The following DNAH5 variants were observed in gnomAD, a reference collection of about 807,000 sequenced individuals.
The protein encoded by DNAH5 is axonemal beta dynein heavy chain 5.
In DNAH5, 372 loss-of-function variants were observed where a neutral mutation model predicts 518.2. The observed-to-expected ratio is 0.72, with a 90% CI of 0.66 to 0.78. The LOEUF is 0.78. Among genes scored for constraint, DNAH5 ranks in the 30% least tolerant of loss-of-function variants. DNAH5 has a pLI of 0.00. For missense variants in DNAH5, 5,523 were observed against 5,687.0 expected (o/e 0.97, Z 0.93); for synonymous variants, 2,039 against 2,025.9 (o/e 1.01, Z -0.17).
In DNAH5 at chr5:13,714,553, C is replaced by T. The variant is rs372917600; in HGVS notation, c.12977G>A (p.Ser4326Asn). 6.2e-7 allele frequency: 1 copy of T among 1,614,078 alleles called. No individual in the cohort carries two copies. Among genetic ancestry groups the T allele is most frequent in the African/African-American group, 1.3e-5 (1 of 74,934 alleles). Residue 4326 changes from serine to asparagine, a missense_variant, in exon 75 of 79, where the codon AGC (serine) becomes AAC (asparagine). This residue lies in a region of DNAH5 where 387 missense variants were observed against 430.0 expected (regional missense o/e 0.90). Transcript: ENST00000265104. ...GTCCAGCACGTCCTTGGCCAGCTTGCTCTGGTAGGTGATGTCAGCATTGGG... is the reference window on the plus strand; with the variant it reads ...GTCCAGCACGTCCTTGGCCAGCTTGTTCTGGTAGGTGATGTCAGCATTGGG... ...LHPNADITYQ[S>N]KLAKDVLDTI...
rs1483774060 is a variant in DNAH5, at chr5:13,752,266, G to A, written c.10896C>T (p.Tyr3632=). 12 of 1,613,930 alleles carry A rather than the reference G, an allele frequency of 7.4e-6. No homozygotes were observed. Among genetic ancestry groups the A allele is most frequent in the Non-Finnish European group, 1.0e-5 (12 of 1,179,970 alleles). ...ELQITSLNHK[Y]FRNHLEDSLS... ...GGCTGTCTTCCAGGTGGTTTCTGAA[G>A]TACTTGTGATTTAAAGACGTGATCT... The change falls in exon 64 of 79, where the codon TAC becomes TAT. Residue 3632 remains tyrosine (Y), a synonymous_variant. Coordinates refer to ENST00000265104, the MANE Select transcript of DNAH5 (RefSeq NM_001369.3).
intron 62 of DNAH5, 63 bp from the exon 63 acceptor site, chr5:13,753,612 T>C (rs1341998344): frequency 2.6e-5 from 36 of 1,403,484 alleles, no homozygotes; most frequent in Non-Finnish European, 3.3e-5. Context: ...GTACAGCATA[T>C]TAAAAATGAA....
rs70964513 is a variant in DNAH5 at position 13,875,465 on chromosome 5, CAAAAAAAAAAA to C, written c.3396+1208_3396+1218del. The stretch of plus-strand genomic sequence containing the variant: ...CTAGGCAGCAAGAGTGAAACTCCTT[CAAAAAAAAAAA>C]AAAAAAAAAAGACACAGAGATAAGT... On this transcript the variant is annotated intron_variant, in intron 22 of 78. Transcript: ENST00000265104. Among the ~76,000 whole-genome samples the C allele has an allele frequency of 1.3e-3, 134 of 106,002 alleles. 2 individuals carry two copies. In the South Asian group the frequency reaches 0.03, roughly 24 times the overall value. 69.5% of individuals were successfully genotyped at this position (106,002 alleles called of 152,430 possible). A position where few individuals can be genotyped will look rare whatever the true frequency, so the allele number is the denominator to read the frequency against.
At position 13,805,922 on chromosome 5, in the gene DNAH5, G is replaced by A. The variant is rs147923268; in HGVS notation, c.7887+1669C>T. ...AGTGAGGGCAGTCTTGTGGGGACTCGGCCCTTAACTTCTGAAGTCTGCATT... is the reference window on the plus strand; with the variant it reads ...AGTGAGGGCAGTCTTGTGGGGACTCAGCCCTTAACTTCTGAAGTCTGCATT... On this transcript the variant is annotated intron_variant, in intron 47 of 78. Transcript: ENST00000265104. Among the ~76,000 whole-genome samples the A allele has an allele frequency of 2.6e-4, 39 of 152,080 alleles. No homozygotes were observed. The East Asian group carries it at 7.5e-3, about 29-fold the overall frequency.
intron 1 of DNAH5, among the ~76,000 whole-genome samples, chr5:14,006,031 C>A (rs1377834150): frequency 6.8e-6 from 1 of 146,968 alleles, no homozygotes; most frequent in East Asian, 2.1e-4. Context: ...CCCTTGCAGA[C>A]CCACACCTTT....
Position 13,776,808 on chromosome 5 carries a change from T to A in DNAH5, c.9106-102A>T, listed in dbSNP as rs1754160025. The A allele has an allele frequency of 4.8e-5, 62 of 1,288,636 alleles. 1 individual carries two copies. In the South Asian group the frequency reaches 7.3e-4, roughly 15 times the overall value. The allele number at this position is 1,288,636 out of a possible 1,614,324, so 79.8% of individuals were successfully genotyped here. ...AATGTCTTTTCTCCATTTGTGTTCT[T>A]GAACTCACCTACAGAAAATTGAAAG... On this transcript the variant is annotated intron_variant, in intron 54 of 78. Coordinates refer to ENST00000265104, the MANE Select transcript of DNAH5 (RefSeq NM_001369.3).
chr5:13,963,311 C>T (rs914742040), intron 1 of DNAH5, among the ~76,000 whole-genome samples: 2 of 151,680 alleles, frequency 1.3e-5, no homozygotes, highest in Non-Finnish European at 2.9e-5. Flanking sequence ...GAAGCGGTGG[C>T]TCACGCCTAT....
chr5:13,796,554 C>T (rs1253488593), intron 47 of DNAH5, among the ~76,000 whole-genome samples: 1 of 151,880 alleles, frequency 6.6e-6, no homozygotes, highest in Non-Finnish European at 1.5e-5. Flanking sequence ...TAAAAGAGGA[C>T]ACGAAAAAAT....
chr5:13,865,932 A>T, intron 26 of DNAH5, 26 bp from the exon 27 acceptor site: 1 of 1,417,044 alleles, frequency 7.1e-7, no homozygotes, highest in South Asian at 1.2e-5. Context: ...GTGAAAACGC[A>T]TCAAAATGAT....
At chr5:13,771,704 G>A (rs927832929) in intron 55 of DNAH5, among the ~76,000 whole-genome samples, 4 of 152,150 alleles carry the variant, frequency 2.6e-5, no homozygotes, top group African/African-American at 7.2e-5. Context: ...AAAGAGGAAC[G>A]TGAAACTTGG....
rs143567667 is a variant in DNAH5 at position 13,864,483 on chromosome 5, C to G, written c.4510G>C (p.Gly1504Arg). Residue 1504 changes from glycine (G) to arginine (R), a missense_variant, in exon 28 of 79, where the codon GGG (glycine) becomes CGG (arginine). Transcript: ENST00000265104. ...TCATTCCCCACATCCAGACTGTGCC[C>G]GGTGAGGGTGGTTATCCTTTCCCAG... ...RHWERITTLT[G>R]HSLDVGNESF... 5.7e-4 allele frequency: 921 copies of G among 1,614,126 alleles called. 5 individuals carry two copies. In the African/African-American group the frequency reaches 9.8e-3, roughly 17 times the overall value.
At chr5:13,806,141 A>C (rs1759547160) in intron 47 of DNAH5, among the ~76,000 whole-genome samples, 1 of 152,160 alleles carries the variant, frequency 6.6e-6, no homozygotes, top group Non-Finnish European at 1.5e-5. Flanking sequence ...CCTAAGGTAA[A>C]ACTAACAAAA....
At chr5:13,951,208 G>GTTTTTTTTT (rs869082404) in intron 1 of DNAH5, among the ~76,000 whole-genome samples, 2 of 66,596 alleles carry the variant, frequency 3.0e-5, no homozygotes, top group African/African-American at 6.5e-5. Flanking sequence ...TGTTTTTTTC[G>GTTTTTTTTT]TTTTTTTTTT....
intron 31 of DNAH5, among the ~76,000 whole-genome samples, chr5:13,848,917 C>G (rs946046564): frequency 2.0e-5 from 3 of 152,190 alleles, no homozygotes; most frequent in African/African-American, 4.8e-5. Flanking sequence ...TTGGGGACCC[C>G]TGCTCTATAG....
Position 13,700,753 on chromosome 5 carries a change from C to T in DNAH5, c.13610G>A (p.Gly4537Asp). ...APPTEGVYVY[G>D]LYLEGAGWDK... is the part of the protein sequence containing the mutation. ...CCAGCCAGCACCTTCAAGATATAAGCCATAGACATAGACACCCTCTGTGGG... is the reference window on the plus strand; with the variant it reads ...CCAGCCAGCACCTTCAAGATATAAGTCATAGACATAGACACCCTCTGTGGG... The change falls in exon 78 of 79, where the codon GGC (glycine) becomes GAC (aspartate). Residue 4537 changes from glycine (G) to aspartate (D), a missense_variant. By Grantham distance (94) the Gly-to-Asp change is moderately conservative (BLOSUM62 -1). Coordinates refer to ENST00000265104, the MANE Select transcript of DNAH5 (RefSeq NM_001369.3). The T allele has an allele frequency of 6.2e-7, 1 of 1,614,158 alleles. No homozygotes were observed. Among genetic ancestry groups the T allele is most frequent in the Non-Finnish European group, 8.5e-7 (1 of 1,180,012 alleles).
chr5:13,817,490 C>G, intron 42 of DNAH5, 58 bp downstream of exon 42: 2 of 1,548,952 alleles, frequency 1.3e-6, no homozygotes, highest in Non-Finnish European at 1.8e-6. Context: ...TCTGTATAGC[C>G]TCCAAGGATT....
chr5:13,922,352 T>A (rs1777405036), intron 4 of DNAH5, 24 bp from the exon 5 acceptor site: 13 of 1,598,510 alleles, frequency 8.1e-6, no homozygotes, highest in Non-Finnish European at 1.1e-5. Flanking sequence ...AGGAGATCTT[T>A]TATTGTAAAA....
rs1316850101 is a variant in DNAH5 at position 13,737,362 on chromosome 5, A to G, written c.11345T>C (p.Ile3782Thr). ...CCTTTTTGTGTTACTCAGCACGACA[A>G]TGAGACTTTCATCTTCTACCAGGGA... is the stretch of plus-strand genomic sequence containing the variant. ...QGSLVEDESL[I>T]VVLSNTKRTA... The change falls in exon 66 of 79, where the codon ATT (isoleucine) becomes ACT (threonine). Residue 3782 changes from isoleucine to threonine, a missense_variant. By Grantham distance (89) the Ile-to-Thr change is moderately conservative. Coordinates refer to ENST00000265104, the MANE Select transcript of DNAH5 (RefSeq NM_001369.3). The G allele has an allele frequency of 2.5e-6, 4 of 1,614,036 alleles. No individual in the cohort carries two copies. Among genetic ancestry groups the G allele is most frequent in the Admixed American group, 1.7e-5 (1 of 59,992 alleles).
At chr5:13,915,015 CT>C (rs1337072537) in intron 9 of DNAH5, among the ~76,000 whole-genome samples, 1 of 152,086 alleles carries the variant, frequency 6.6e-6, no homozygotes, top group Non-Finnish European at 1.5e-5. Flanking sequence ...ATGTAAAGTA[CT>C]GCCGATCCTG....
Sources: gnomAD v4.1 joint callset for allele counts (sites outside exome capture counted in the v4.1 genomes callset) on GRCh38, gnomAD v4.1.1 for gene constraint, gnomAD v4.1.1 regional missense constraint, MANE v1.5 for transcripts, NCBI Gene and HGNC (gene_info 2026-07-23, HGNC 2026-07-21) for gene names.